Variants in ELAPOR2 observed in about 807,000 individuals in gnomAD.
ELAPOR2 encodes the protein endosome-lysosome associated apoptosis and autophagy regulator family member 2.
A neutral mutation model predicts 120.7 loss-of-function variants in ELAPOR2; 89 were observed. The observed-to-expected ratio is 0.74, with a 90% confidence interval of 0.62 to 0.88. The LOEUF (loss-of-function observed/expected upper bound fraction) is 0.88. Among genes scored for constraint, ELAPOR2 ranks in the 40% least tolerant of loss-of-function variants. ELAPOR2 has a pLI of 0.00. For missense variants in ELAPOR2, 1,134 were observed against 1,251.6 expected (o/e 0.91, Z 1.42); for synonymous variants, 444 against 444.9 (o/e 1.00, Z 0.03).
At chr7:87,018,187 C>T (rs1562970108) in intron 1 of ELAPOR2, among the ~76,000 whole-genome samples, 1 of 151,976 alleles carries the variant, frequency 6.6e-6, no homozygotes, top group African/African-American at 2.4e-5. Flanking sequence ...ATTACAGGCG[C>T]CCGCCACCAT....
chr7:86,888,041 A>G (rs1799773978), intron 21 of ELAPOR2, among the ~76,000 whole-genome samples: 1 of 152,092 alleles, frequency 6.6e-6, no homozygotes, highest in Non-Finnish European at 1.5e-5. Flanking sequence ...TAGCCCACCC[A>G]GAAGGGGATC....
chr7:86,957,043 T>C (rs567714425), intron 2 of ELAPOR2, among the ~76,000 whole-genome samples: 2 of 152,302 alleles, frequency 1.3e-5, no homozygotes, highest in Admixed American at 1.3e-4. Flanking sequence ...AACACTTTTT[T>C]CAGAGAAGTT....
chr7:87,026,115 C>A (rs1379222735), intron 1 of ELAPOR2, among the ~76,000 whole-genome samples: 2 of 151,984 alleles, frequency 1.3e-5, no homozygotes, highest in Admixed American at 6.6e-5. Flanking sequence ...GAAAAAGATG[C>A]CTTTCCAGAA....
At chr7:86,990,208 A>G (rs1249618402) in intron 1 of ELAPOR2, among the ~76,000 whole-genome samples, 1 of 151,946 alleles carries the variant, frequency 6.6e-6, no homozygotes, top group African/African-American at 2.4e-5. Flanking sequence ...CACCACGCCC[A>G]GCTAATTTTT....
At chr7:87,016,257 T>G (rs1339273573) in intron 1 of ELAPOR2, among the ~76,000 whole-genome samples, 1 of 152,172 alleles carries the variant, frequency 6.6e-6, no homozygotes, top group Non-Finnish European at 1.5e-5. Context: ...AGATTATTCA[T>G]TGCTGATAAA....
rs771838690 is a variant in ELAPOR2 at position 86,925,536 on chromosome 7, C to T, written c.1391G>A (p.Gly464Glu). 6.2e-7 allele frequency: 1 copy of T among 1,611,606 alleles called. No individual in the cohort carries two copies. The highest frequency in any genetic ancestry group is 1.1e-5 in the South Asian group (1 of 91,018). The change falls in exon 10 of 22, where the codon GGA becomes GAA. Residue 464 changes from glycine to glutamate, a missense_variant. This residue lies in a region of ELAPOR2 where 831 missense variants were observed against 867.6 expected (regional missense o/e 0.96). Transcript: ENST00000450689. ...CFNVGNSKCD[G>E]MNGWEVAGDH... is the part of the protein sequence containing the mutation. The stretch of plus-strand genomic sequence containing the variant: ...GCTGATTTTGAACTTACCATTCATT[C>T]CATCGCACTTTGAATTCCCAACATT...
At chr7:87,039,128 T>G (rs1009677615) in intron 1 of ELAPOR2, among the ~76,000 whole-genome samples, 5 of 151,986 alleles carry the variant, frequency 3.3e-5, no homozygotes, top group African/African-American at 4.8e-5. Context: ...GAGGCTACTA[T>G]GAGTAACTAT....
intron 1 of ELAPOR2, among the ~76,000 whole-genome samples, chr7:87,031,759 C>T (rs1794428966): frequency 6.6e-6 from 1 of 152,078 alleles, no homozygotes; most frequent in African/African-American, 2.4e-5. Flanking sequence ...TTAAGAATAT[C>T]AAGTGCTATG....
intron 18 of ELAPOR2, among the ~76,000 whole-genome samples, chr7:86,899,850 G>GTT (rs551953633): frequency 2.1e-5 from 3 of 145,800 alleles, no homozygotes; most frequent in East Asian, 2.0e-4. Context: ...TAATTTCTCT[G>GTT]TTTTTTTTTT....
chr7:86,916,428 A>G (rs887161409), intron 12 of ELAPOR2, among the ~76,000 whole-genome samples: 2 of 152,170 alleles, frequency 1.3e-5, no homozygotes, highest in Non-Finnish European at 2.9e-5. Flanking sequence ...AAAAGTACAG[A>G]GTGTTCCACT....
intron 19 of ELAPOR2, among the ~76,000 whole-genome samples, chr7:86,893,698 T>C (rs1176425406): frequency 2.0e-5 from 3 of 152,070 alleles, no homozygotes; most frequent in African/African-American, 7.2e-5. Context: ...GGCATTATTC[T>C]GGGTCATCAC....
intron 18 of ELAPOR2, among the ~76,000 whole-genome samples, chr7:86,898,875 G>T (rs1460709479): frequency 1.3e-5 from 2 of 152,160 alleles, no homozygotes; most frequent in African/African-American, 2.4e-5. Flanking sequence ...TTAGGGAATA[G>T]AATGCTGCAC....
At chr7:87,000,191 A>AAC (rs575182467) in intron 1 of ELAPOR2, among the ~76,000 whole-genome samples, 6 of 126,340 alleles carry the variant, frequency 4.7e-5, no homozygotes, top group South Asian at 2.2e-4. Flanking sequence ...GACATCTTTA[A>AAC]ACACACACAC....
intron 21 of ELAPOR2, among the ~76,000 whole-genome samples, chr7:86,883,864 T>C (rs1799556420): frequency 6.6e-6 from 1 of 152,168 alleles, no homozygotes; most frequent in Admixed American, 6.5e-5. Flanking sequence ...AATTGTATAT[T>C]TGTAATGTGT....
At chr7:86,956,481 G>C (rs914889346) in intron 2 of ELAPOR2, among the ~76,000 whole-genome samples, 3 of 152,100 alleles carry the variant, frequency 2.0e-5, no homozygotes, top group Admixed American at 2.0e-4. Flanking sequence ...CTATCAAGTG[G>C]AACTGTATGA....
chr7:87,004,664 A>G (rs990555584), intron 1 of ELAPOR2, among the ~76,000 whole-genome samples: 10 of 152,132 alleles, frequency 6.6e-5, no homozygotes, highest in Non-Finnish European at 1.3e-4. Context: ...TAACACTTAC[A>G]TACTATCAAG....
At chr7:86,987,827 C>T (rs1037745097) in intron 1 of ELAPOR2, among the ~76,000 whole-genome samples, 5 of 152,080 alleles carry the variant, frequency 3.3e-5, no homozygotes, top group Middle Eastern at 3.2e-3. Context: ...TACCATTTGA[C>T]CCAGCGATCC....
At chr7:86,974,548 C>T (rs915261657) in intron 1 of ELAPOR2, among the ~76,000 whole-genome samples, 1 of 148,434 alleles carries the variant, frequency 6.7e-6, no homozygotes, top group Admixed American at 6.7e-5. Flanking sequence ...GTGTTAAACA[C>T]AGGTTATAAA....
intron 8 of ELAPOR2, among the ~76,000 whole-genome samples, chr7:86,930,233 G>A (rs538350823): frequency 1.3e-5 from 2 of 152,030 alleles, no homozygotes; most frequent in African/African-American, 2.4e-5. Flanking sequence ...ATGAATGAAT[G>A]AATGATATGG....
Sources: gnomAD v4.1 joint callset for allele counts (sites outside exome capture counted in the v4.1 genomes callset) on GRCh38, gnomAD v4.1.1 for gene constraint, gnomAD v4.1.1 regional missense constraint, MANE v1.5 for transcripts, NCBI Gene and HGNC (gene_info 2026-07-23, HGNC 2026-07-21) for gene names.